Variants in CACNB2 observed in about 807,000 individuals in gnomAD.
The protein encoded by CACNB2 is calcium voltage-gated channel auxiliary subunit beta 2.
CACNB2 carries 42 observed loss-of-function variants against 73.3 expected under a neutral mutation model. That is an observed-to-expected ratio of 0.57 (90% CI 0.45 to 0.74). The LOEUF (loss-of-function observed/expected upper bound fraction) is 0.74, where lower values mean the gene tolerates loss of function less well. CACNB2 is among the 30% of genes least tolerant of loss of function. CACNB2 has a pLI of 0.00. For synonymous variants in CACNB2, 348 were observed against 310.3 expected (o/e 1.12, Z -1.28); for missense variants, 940 against 853.0 (o/e 1.10, Z -1.27).
Position 18,173,676 on chromosome 10 carries a change from T to G in CACNB2, c.213+22701T>G, listed in dbSNP as rs116557667. Among the ~76,000 whole-genome samples, 488 of 152,336 alleles carry G rather than the reference T, an allele frequency of 3.2e-3. 2 individuals carry two copies. The highest frequency in any genetic ancestry group is 0.011 in the African/African-American group (471 of 41,574). On this transcript the variant is annotated intron_variant, in intron 2 of 13. Coordinates refer to ENST00000324631, the MANE Select transcript of CACNB2 (RefSeq NM_201596.3). ...GCATTATATAATGAATCACTGTGGG[T>G]TCTGAATATAGAGAGACATTTCTAC... is the stretch of plus-strand genomic sequence containing the variant.
intron 2 of CACNB2, among the ~76,000 whole-genome samples, chr10:18,274,397 A>G (rs1443798858): frequency 6.6e-6 from 1 of 152,222 alleles, no homozygotes; most frequent in African/African-American, 2.4e-5. Flanking sequence ...AAGCTTCCTC[A>G]ACTTACTCCT....
rs34215819 is a variant in CACNB2, at chr10:18,193,270, C to CTT, written c.213+42306_213+42307dup. ...TGTAACTTTTTGAGAAAGTGTCAAG[C>CTT]TTTTTTTTTTTTACAGTGATTGAAT... On this transcript the variant is annotated intron_variant, in intron 2 of 13. Coordinates refer to ENST00000324631, the MANE Select transcript of CACNB2 (RefSeq NM_201596.3). Among the ~76,000 whole-genome samples, 1,433 of 148,540 alleles carry CTT rather than the reference C, an allele frequency of 9.6e-3. 29 individuals carry two copies. Among genetic ancestry groups the CTT allele is most frequent in the African/African-American group, 0.029 (1,197 of 40,816 alleles).
At chr10:18,450,730 C>T (rs1346473993) in intron 3 of CACNB2, among the ~76,000 whole-genome samples, 1 of 148,288 alleles carries the variant, frequency 6.7e-6, no homozygotes, top group Non-Finnish European at 1.5e-5. Flanking sequence ...TCAAGCAATT[C>T]TCCCCTCTCA....
intron 2 of CACNB2, among the ~76,000 whole-genome samples, chr10:18,258,360 T>G (rs2037372575): frequency 2.0e-5 from 3 of 152,316 alleles, no homozygotes; most frequent in South Asian, 4.1e-4. Flanking sequence ...TATTCTAACT[T>G]TAAGCTAAAT....
intron 2 of CACNB2, among the ~76,000 whole-genome samples, chr10:18,333,366 T>C (rs2040877619): frequency 6.6e-6 from 1 of 151,890 alleles, no homozygotes; most frequent in Non-Finnish European, 1.5e-5. Context: ...TTGCCTTAAA[T>C]AGTACAGCTT....
At chr10:18,499,345 CGG>C (rs2050035014) in intron 4 of CACNB2, among the ~76,000 whole-genome samples, 3 of 152,106 alleles carry the variant, frequency 2.0e-5, no homozygotes, top group African/African-American at 4.8e-5. Context: ...GGGCTGGGCC[CGG>C]TGGCTCATGC....
chr10:18,254,917 G>A (rs10764365), intron 2 of CACNB2, among the ~76,000 whole-genome samples: 110,396 of 152,154 alleles, frequency 0.73, 40,354 homozygotes, highest in East Asian at 0.96. Flanking sequence ...TTCTGTTTCT[G>A]TCCTTGCACT....
chr10:18,186,146 A>G (rs7067916), intron 2 of CACNB2, among the ~76,000 whole-genome samples: 112,663 of 152,060 alleles, frequency 0.74, 41,794 homozygotes, highest in East Asian at 0.82. Context: ...GAGGCCAGGC[A>G]TGGTAGCGCA....
intron 2 of CACNB2, among the ~76,000 whole-genome samples, chr10:18,232,858 C>A (rs1159828744): frequency 6.6e-6 from 1 of 152,174 alleles, no homozygotes; most frequent in Admixed American, 6.5e-5. Context: ...GAAGCCTAGA[C>A]AGGCAGATGG....
chr10:18,220,156 C>CAT (rs2035690070), intron 2 of CACNB2, among the ~76,000 whole-genome samples: 1 of 16,382 alleles, frequency 6.1e-5, no homozygotes, highest in Admixed American at 8.6e-4. Context: ...TATATATATA[C>CAT]ACACACACAC....
At chr10:18,454,180 G>C (rs1280873990) in intron 3 of CACNB2, among the ~76,000 whole-genome samples, 1 of 152,178 alleles carries the variant, frequency 6.6e-6, no homozygotes, top group Non-Finnish European at 1.5e-5. Flanking sequence ...GAAGGGTTCT[G>C]TCCCTTAGGA....
Position 18,502,395 on chromosome 10 carries a change from A to G in CACNB2, c.593+1447A>G, listed in dbSNP as rs565691498. Among the ~76,000 whole-genome samples the G allele has an allele frequency of 5.3e-5, 8 of 151,980 alleles. No homozygotes were observed. In the South Asian group the frequency reaches 6.3e-4, roughly 12 times the overall value. On this transcript the variant is annotated intron_variant, in intron 5 of 13. Coordinates refer to ENST00000324631, the MANE Select transcript of CACNB2 (RefSeq NM_201596.3). ...CCAAGCAAACTAACACAGGAATAGA[A>G]AACCAAATACGGGGGCCACGTGCGG... is the stretch of plus-strand genomic sequence containing the variant.
chr10:18,197,777 T>A (rs1339168114), intron 2 of CACNB2, among the ~76,000 whole-genome samples: 1 of 151,922 alleles, frequency 6.6e-6, no homozygotes, highest in Non-Finnish European at 1.5e-5. Flanking sequence ...AAAAAAACAG[T>A]CAGATCAACG....
At chr10:18,413,775 C>T (rs562001158) in intron 3 of CACNB2, among the ~76,000 whole-genome samples, 5 of 152,210 alleles carry the variant, frequency 3.3e-5, no homozygotes, top group Non-Finnish European at 5.9e-5. Flanking sequence ...TGTAAAAGGA[C>T]ACTAACCTCT....
In CACNB2 at chr10:18,215,343, G is replaced by A. The variant is rs559795943; in HGVS notation, c.213+64368G>A. On this transcript the variant is annotated intron_variant, in intron 2 of 13. Coordinates refer to ENST00000324631, the MANE Select transcript of CACNB2 (RefSeq NM_201596.3). ...TCATGACCATCGGAGCGGGTCTGAC[G>A]GTGAGACCAGACATTTTGCTTGTAT... Among the ~76,000 whole-genome samples the A allele has an allele frequency of 1.8e-4, 27 of 152,252 alleles. No individual in the cohort carries two copies. In the East Asian group the frequency reaches 3.9e-3, roughly 22 times the overall value.
intron 4 of CACNB2, 116 bp downstream of exon 4, chr10:18,498,593 A>G (rs2049983651): frequency 1.0e-6 from 1 of 967,766 alleles, no homozygotes; most frequent in African/African-American, 1.6e-5. Context: ...CTGCAGTTGT[A>G]TAACACACAT....
intron 2 of CACNB2, among the ~76,000 whole-genome samples, chr10:18,377,157 C>A (rs1032838236): frequency 1.3e-5 from 2 of 152,060 alleles, no homozygotes; most frequent in African/African-American, 4.8e-5. Context: ...AAAAACCACC[C>A]GTTCTAAGAT....
chr10:18,259,445 C>T (rs2037426639), intron 2 of CACNB2, among the ~76,000 whole-genome samples: 1 of 150,996 alleles, frequency 6.6e-6, no homozygotes, highest in Admixed American at 6.6e-5. Context: ...TGGCTTACAC[C>T]TGTAATCTCA....
At position 18,513,723 on chromosome 10, in the gene CACNB2, G is replaced by A. The variant is rs111242381; in HGVS notation, c.671-513G>A. 5.7e-3 allele frequency: 1,103 copies of A among 194,724 alleles called. 15 individuals carry two copies. The highest frequency in any genetic ancestry group is 0.025 in the African/African-American group (1,046 of 42,328). The allele number at this position is 194,724 out of a possible 1,614,324, so 12.1% of individuals were successfully genotyped here. A position where few individuals can be genotyped will look rare whatever the true frequency, so the allele number is the denominator to read the frequency against. On this transcript the variant is annotated intron_variant, in intron 6 of 13. Transcript: ENST00000324631. ...CAAAAACGCATAAAGCGAGAAATGC[G>A]CATTAAAATGATATATAACATAACC...
Sources: gnomAD v4.1 joint callset for allele counts (sites outside exome capture counted in the v4.1 genomes callset) on GRCh38, gnomAD v4.1.1 for gene constraint, MANE v1.5 for transcripts, NCBI Gene and HGNC (gene_info 2026-07-23, HGNC 2026-07-21) for gene names.